The following DTL variants were observed in gnomAD, a reference collection of about 807,000 sequenced individuals.
DTL encodes denticleless protein homolog.
Under a neutral mutation model 87.0 loss-of-function variants are expected in DTL, and 46 were observed. That is an observed-to-expected ratio of 0.53 (90% confidence interval 0.42 to 0.68). DTL has a LOEUF of 0.68. DTL is among the 30% of genes least tolerant of loss of function. The pLI is 0.00. For missense variants in DTL, 737 were observed against 869.4 expected, an observed-to-expected ratio of 0.85 and a Z score of 1.91; for synonymous variants, 308 against 311.2, an observed-to-expected ratio of 0.99 and a Z score of 0.11.
At position 212,044,646 on chromosome 1, in the gene DTL, T is replaced by C. The variant is rs1240924838; in HGVS notation, c.179-14T>C. On this transcript the variant is annotated splice_polypyrimidine_tract_variant and intron_variant, in intron 2 of 14. Transcript: ENST00000366991. ...GTGTTACTCTATATATTTTTTTCTTTATTTCTGCTTTAGCTCCCAATATGG... is the reference window on the plus strand; with the variant it reads ...GTGTTACTCTATATATTTTTTTCTTCATTTCTGCTTTAGCTCCCAATATGG... The C allele has an allele frequency of 1.9e-6, 3 of 1,552,042 alleles. No homozygotes were observed. The highest frequency in any genetic ancestry group is 3.8e-5 in the Admixed American group (2 of 52,344).
chr1:212,046,578 A>G (rs760619205), intron 3 of DTL, among the ~76,000 whole-genome samples: 3 of 152,102 alleles, frequency 2.0e-5, no homozygotes. Flanking sequence ...TGCTGAGGAT[A>G]ATGACTTCCA....
chr1:212,079,344 C>G (rs1654927067), intron 12 of DTL, among the ~76,000 whole-genome samples: 1 of 151,680 alleles, frequency 6.6e-6, no homozygotes, highest in African/African-American at 2.4e-5. Flanking sequence ...TTATCCTTAC[C>G]CCTATGCATC....
chr1:212,042,399 G>C (rs948016201), intron 1 of DTL, among the ~76,000 whole-genome samples: 1 of 152,142 alleles, frequency 6.6e-6, no homozygotes, highest in Admixed American at 6.5e-5. Context: ...CTAATTAAAT[G>C]TTTTCTAGGG....
At chr1:212,053,853 A>G (rs1270515272) in intron 5 of DTL, among the ~76,000 whole-genome samples, 1 of 152,184 alleles carries the variant, frequency 6.6e-6, no homozygotes, top group East Asian at 1.9e-4. Context: ...TTACAACCTT[A>G]TCTGATAAAT....
rs1447019479 is a variant in DTL at position 212,104,225 on chromosome 1, G to C, written c.*1285G>C. 4.5e-5 allele frequency: 2 copies of C among 44,214 alleles called. No individual in the cohort carries two copies. The highest frequency in any genetic ancestry group is 1.1e-4 in the Non-Finnish European group (2 of 18,572). 2.7% of individuals were successfully genotyped at this position (44,214 alleles called of 1,614,324 possible). On this transcript the variant is annotated 3_prime_UTR_variant, in exon 15 of 15. Coordinates refer to ENST00000366991, the MANE Select transcript of DTL (RefSeq NM_016448.4). ...CCCTTCCAGTCATGAAACTTCATTTGTTTTATCCATATCCCTGAGGACTGT... is the reference window on the plus strand; with the variant it reads ...CCCTTCCAGTCATGAAACTTCATTTCTTTTATCCATATCCCTGAGGACTGT...
At chr1:212,038,648 T>C (rs1667554080) in intron 1 of DTL, among the ~76,000 whole-genome samples, 1 of 152,220 alleles carries the variant, frequency 6.6e-6, no homozygotes, top group Non-Finnish European at 1.5e-5. Flanking sequence ...CCTAATGCCT[T>C]CTTGTCTGGA....
At chr1:212,098,244 CCT>C (rs56218868) in intron 13 of DTL, among the ~76,000 whole-genome samples, 145,562 of 152,160 alleles carry the variant, frequency 0.96, 69,674 homozygotes, top group East Asian at 1. Context: ...AGACTCAGGA[CCT>C]CTCTGGTTGG....
At chr1:212,047,747 G>A (rs1667849808) in intron 5 of DTL, among the ~76,000 whole-genome samples, 1 of 152,146 alleles carries the variant, frequency 6.6e-6, no homozygotes, top group African/African-American at 2.4e-5. Flanking sequence ...TGTTGGCCAG[G>A]CTGGTCTAGA....
chr1:212,066,892 G>A lies in DTL; in HGVS notation c.713+7G>A. On this transcript the variant is annotated splice_region_variant and intron_variant, in intron 8 of 14. Coordinates refer to ENST00000366991, the MANE Select transcript of DTL (RefSeq NM_016448.4). The stretch of plus-strand genomic sequence containing the variant: ...CAGCAGGAGCTGTGGATGGGTAAGA[G>A]TCTATTTCTTTTTTCTTCCGACGAG... 2 of 1,611,102 alleles carry A rather than the reference G, an allele frequency of 1.2e-6. No homozygotes were observed. Among genetic ancestry groups the A allele is most frequent in the Non-Finnish European group, 1.7e-6 (2 of 1,177,634 alleles).
At position 212,102,919 on chromosome 1, in the gene DTL, T is replaced by C; in HGVS notation, c.2172T>C (p.Pro724=). The C allele has an allele frequency of 6.2e-7, 1 of 1,604,414 alleles. No individual in the cohort carries two copies. The highest frequency in any genetic ancestry group is 1.1e-5 in the South Asian group (1 of 90,708). ...AGTCCCAGGAGGACTTCTGTGGTCC[T>C]GAACACTCAACAGAATTATAGATTC... ...HRKSQEDFCG[P]EHSTEL is the part of the protein sequence containing the mutation. Residue 724 remains proline (P), a synonymous_variant, in exon 15 of 15, where the codon CCT becomes CCC. Coordinates refer to ENST00000366991, the MANE Select transcript of DTL (RefSeq NM_016448.4).
In DTL at chr1:212,053,795, A is replaced by G. The variant is rs550379284; in HGVS notation, c.460+6378A>G. On this transcript the variant is annotated intron_variant, in intron 5 of 14. Coordinates refer to ENST00000366991, the MANE Select transcript of DTL (RefSeq NM_016448.4). ...GAGATGGGGTTTCGCCATGTTGCCCAGGCTAAGTGTACGTTTCTTTAACTC... is the reference window on the plus strand; with the variant it reads ...GAGATGGGGTTTCGCCATGTTGCCCGGGCTAAGTGTACGTTTCTTTAACTC... 5.9e-5 allele frequency among the ~76,000 whole-genome samples: 9 copies of G among 152,300 alleles called. No individual in the cohort carries two copies. In the East Asian group the frequency reaches 1.3e-3, roughly 23 times the overall value.
At chr1:212,090,137 TC>T (rs542161824) in intron 13 of DTL, among the ~76,000 whole-genome samples, 159 of 152,306 alleles carry the variant, frequency 1.0e-3, no homozygotes, top group Non-Finnish European at 2.1e-3. Flanking sequence ...TTTCATGGCA[TC>T]TTATGACAAA....
intron 5 of DTL, among the ~76,000 whole-genome samples, chr1:212,059,444 A>C (rs1668273819): frequency 6.6e-6 from 1 of 152,192 alleles, no homozygotes; most frequent in African/African-American, 2.4e-5. Flanking sequence ...TAGTAGATAG[A>C]GAAAAATAAT....
chr1:212,040,232 A>C (rs1301207181), intron 1 of DTL, among the ~76,000 whole-genome samples: 1 of 152,176 alleles, frequency 6.6e-6, no homozygotes, highest in African/African-American at 2.4e-5. Context: ...CTAAGACACA[A>C]TAGGAATTTT....
intron 1 of DTL, among the ~76,000 whole-genome samples, chr1:212,037,724 G>T (rs1348619728): frequency 6.6e-6 from 1 of 152,198 alleles, no homozygotes; most frequent in African/African-American, 2.4e-5. Flanking sequence ...AATTATCCAA[G>T]TTTTGGTGTA....
intron 14 of DTL, 123 bp downstream of exon 14, chr1:212,101,207 C>A: frequency 1.5e-6 from 1 of 686,490 alleles, no homozygotes; most frequent in Non-Finnish European, 2.3e-6. Flanking sequence ...CCTAGTGCTG[C>A]CAAATTCAGC....
At chr1:212,049,103 A>G (rs1349174899) in intron 5 of DTL, among the ~76,000 whole-genome samples, 1 of 152,172 alleles carries the variant, frequency 6.6e-6, no homozygotes, top group African/African-American at 2.4e-5. Context: ...TTGTATTTTT[A>G]GTAGAGACAG....
intron 13 of DTL, among the ~76,000 whole-genome samples, chr1:212,092,569 C>T (rs1655316706): frequency 6.6e-6 from 1 of 152,030 alleles, no homozygotes; most frequent in South Asian, 2.1e-4. Flanking sequence ...CCAACTCCAT[C>T]CTGGTTCCTG....
chr1:212,069,325 A>G lies in DTL; in HGVS notation c.922+622A>G, dbSNP rs542588601. Among the ~76,000 whole-genome samples, 4 of 151,902 alleles carry G rather than the reference A, an allele frequency of 2.6e-5. No individual in the cohort carries two copies. The East Asian group carries it at 7.7e-4, about 29-fold the overall frequency. On this transcript the variant is annotated intron_variant, in intron 10 of 14. Transcript: ENST00000366991. ...ACCAGCCTCAGGCATGCTTTAAGAG[A>G]GTTATTTGGGTTACATTATTTTTAA... is the stretch of plus-strand genomic sequence containing the variant.
Sources: allele counts gnomAD v4.1 joint callset (sites outside exome capture counted in the v4.1 genomes callset), GRCh38; gene constraint gnomAD v4.1.1; transcripts MANE v1.5; gene names NCBI Gene and HGNC (gene_info 2026-07-23, HGNC 2026-07-21).